FBXW11: variants seen among roughly 807,000 people sequenced by gnomAD.
FBXW11 encodes the protein F-box and WD repeat domain containing 11.
A neutral mutation model predicts 77.6 loss-of-function variants in FBXW11; 19 were observed. The observed-to-expected ratio is 0.24, with a 90% CI of 0.17 to 0.36. The LOEUF (loss-of-function observed/expected upper bound fraction) is 0.36, where lower values mean the gene tolerates loss of function less well. FBXW11 is among the 10% of genes least tolerant of loss of function. FBXW11 has a pLI of 1.00. For missense variants in FBXW11, 334 were observed against 704.2 expected, an observed-to-expected ratio of 0.47 and a Z score of 5.95; for synonymous variants, 235 against 249.4, an observed-to-expected ratio of 0.94 and a Z score of 0.54.
intron 1 of FBXW11, among the ~76,000 whole-genome samples, chr5:171,969,470 G>A (rs1359867544): frequency 6.6e-6 from 1 of 152,034 alleles, no homozygotes; most frequent in East Asian, 1.9e-4. Context: ...AAACTGCTTA[G>A]TCATTTAAAA....
chr5:171,930,505 T>C (rs1031528124), intron 2 of FBXW11, among the ~76,000 whole-genome samples: 12 of 152,144 alleles, frequency 7.9e-5, no homozygotes, highest in South Asian at 2.1e-4. Flanking sequence ...GGTGACATGA[T>C]TGTCTATGTA....
chr5:171,909,884 A>C (rs1443604948), intron 4 of FBXW11, among the ~76,000 whole-genome samples: 1 of 152,170 alleles, frequency 6.6e-6, no homozygotes, highest in Non-Finnish European at 1.5e-5. Context: ...TGAATGCCCT[A>C]AACTTTTGGG....
chr5:171,893,437 A>AAAAAAAAAAAAAAAAAAAAC (rs1561656944), intron 6 of FBXW11, among the ~76,000 whole-genome samples: 4 of 146,996 alleles, frequency 2.7e-5, no homozygotes, highest in Non-Finnish European at 4.5e-5. Context: ...AAAAAAAAAA[A>AAAAAAAAAAAAAAAAAAAAC]AAAAAAAAAA....
At chr5:171,905,598 C>CA (rs889929139) in intron 4 of FBXW11, among the ~76,000 whole-genome samples, 5 of 102,200 alleles carry the variant, frequency 4.9e-5, no homozygotes, top group South Asian at 5.4e-4. Flanking sequence ...AACCCCCCCC[C>CA]CTTTATTTTC....
chr5:171,952,323 G>A (rs928968540), intron 2 of FBXW11, among the ~76,000 whole-genome samples: 10 of 144,218 alleles, frequency 6.9e-5, no homozygotes, highest in Admixed American at 2.8e-4. Context: ...AGTCTATTTC[G>A]TAAATTTTCT....
At chr5:172,002,975 G>C (rs953291657) in intron 1 of FBXW11, among the ~76,000 whole-genome samples, 2 of 152,104 alleles carry the variant, frequency 1.3e-5, no homozygotes, top group African/African-American at 4.8e-5. Context: ...TTACAGGCTA[G>C]AGCCACCGCA....
chr5:171,992,716 A>G (rs1736289462), intron 1 of FBXW11, among the ~76,000 whole-genome samples: 1 of 152,054 alleles, frequency 6.6e-6, no homozygotes, highest in African/African-American at 2.4e-5. Flanking sequence ...ACTAAAGTCT[A>G]GTCAGCTACC....
intron 1 of FBXW11, among the ~76,000 whole-genome samples, chr5:171,959,075 C>T (rs933968859): frequency 6.6e-6 from 1 of 150,588 alleles, no homozygotes; most frequent in African/African-American, 2.5e-5. Context: ...TTACTAGTTA[C>T]AGTTCACCTA....
At chr5:171,934,633 C>T (rs1424044035) in intron 2 of FBXW11, among the ~76,000 whole-genome samples, 8 of 149,118 alleles carry the variant, frequency 5.4e-5, no homozygotes, top group Non-Finnish European at 1.0e-4. Flanking sequence ...GCCAAGATAG[C>T]GCCACCCTAC....
intron 1 of FBXW11, among the ~76,000 whole-genome samples, chr5:171,971,427 A>T (rs1374699194): frequency 6.6e-6 from 1 of 152,132 alleles, no homozygotes; most frequent in East Asian, 1.9e-4. Context: ...CCCTTTTTCC[A>T]TGCGTTGTAT....
At chr5:171,883,154 A>G (rs564404023) in intron 7 of FBXW11, among the ~76,000 whole-genome samples, 1 of 152,218 alleles carries the variant, frequency 6.6e-6, no homozygotes, top group African/African-American at 2.4e-5. Flanking sequence ...CATCATATAT[A>G]TATCAGTCAC....
At chr5:171,921,223 A>G (rs1410663282) in intron 2 of FBXW11, among the ~76,000 whole-genome samples, 1 of 152,202 alleles carries the variant, frequency 6.6e-6, no homozygotes, top group Non-Finnish European at 1.5e-5. Flanking sequence ...CATTTAGTTT[A>G]TGTATAGGTA....
rs555166897 is a variant in FBXW11, at chr5:172,004,472, C to T, written c.45+1986G>A. 9.8e-4 allele frequency among the ~76,000 whole-genome samples: 149 copies of T among 152,278 alleles called. 1 individual carries two copies. The highest frequency in any genetic ancestry group is 3.4e-3 in the Middle Eastern group (1 of 294). ...AAATCAAAACTTTTTAAGTTATAAG[C>T]ATAGGAAGCCAGTGAATTTAGGCCA... On this transcript the variant is annotated intron_variant, in intron 1 of 13. Coordinates refer to ENST00000517395, the MANE Select transcript of FBXW11 (RefSeq NM_001378974.1).
intron 1 of FBXW11, among the ~76,000 whole-genome samples, chr5:172,004,547 C>T (rs1330050901): frequency 3.3e-5 from 5 of 152,110 alleles, no homozygotes; most frequent in Non-Finnish European, 4.4e-5. Flanking sequence ...TGGGTTACAA[C>T]GTATTTCTTA....
At chr5:171,949,066 A>G (rs1346421660) in intron 2 of FBXW11, among the ~76,000 whole-genome samples, 1 of 152,270 alleles carries the variant, frequency 6.6e-6, no homozygotes, top group African/African-American at 2.4e-5. Flanking sequence ...TATGACATGG[A>G]AATTTCAATG....
chr5:171,963,599 T>C (rs1318280328), intron 1 of FBXW11, among the ~76,000 whole-genome samples: 5 of 152,186 alleles, frequency 3.3e-5, no homozygotes, highest in Non-Finnish European at 5.9e-5. Flanking sequence ...GACTTTTTTT[T>C]CTGCAACTCA....
chr5:172,000,599 C>G (rs1766357289), intron 1 of FBXW11, among the ~76,000 whole-genome samples: 1 of 152,158 alleles, frequency 6.6e-6, no homozygotes, highest in Non-Finnish European at 1.5e-5. Flanking sequence ...AGACCTTTTC[C>G]ACACCATCGG....
intron 13 of FBXW11, among the ~76,000 whole-genome samples, chr5:171,866,468 T>C (rs1458580006): frequency 6.6e-6 from 1 of 152,078 alleles, no homozygotes; most frequent in African/African-American, 2.4e-5. Context: ...TGTTCTGAGG[T>C]TTCCAAAAAA....
chr5:171,908,419 C>T (rs1320039114), intron 4 of FBXW11, among the ~76,000 whole-genome samples: 1 of 152,128 alleles, frequency 6.6e-6, no homozygotes, highest in East Asian at 1.9e-4. Flanking sequence ...TTCACATCAC[C>T]ACCACTATAA....
Sources: allele counts gnomAD v4.1 joint callset (sites outside exome capture counted in the v4.1 genomes callset), GRCh38; gene constraint gnomAD v4.1.1; transcripts MANE v1.5; gene names NCBI Gene and HGNC (gene_info 2026-07-23, HGNC 2026-07-21).